Variants in PDCL observed in about 807,000 individuals in gnomAD.
PDCL encodes the protein phosducin-like protein.
PDCL carries 11 observed loss-of-function variants against 26.7 expected under a neutral mutation model. The observed-to-expected ratio is 0.41, with a 90% CI of 0.26 to 0.68. The LOEUF (loss-of-function observed/expected upper bound fraction) is 0.68. PDCL is among the 30% of genes least tolerant of loss of function. PDCL has a pLI of 0.30. For missense variants in PDCL, 330 were observed against 371.6 expected, an observed-to-expected ratio of 0.89 and a Z score of 0.92; for synonymous variants, 118 against 134.9, an observed-to-expected ratio of 0.87 and a Z score of 0.87.
Position 122,823,305 on chromosome 9 carries a change from C to T in PDCL, c.173-108G>A. 4.8e-6 allele frequency: 5 copies of T among 1,041,194 alleles called. No individual in the cohort carries two copies. In the South Asian group the frequency reaches 7.1e-5, roughly 15 times the overall value. The allele number at this position is 1,041,194 out of a possible 1,614,324, so 64.5% of individuals were successfully genotyped here. On this transcript the variant is annotated intron_variant, in intron 2 of 3. Coordinates refer to ENST00000259467, the MANE Select transcript of PDCL (RefSeq NM_005388.5). The stretch of plus-strand genomic sequence containing the variant: ...ATCTGCCTGAAGCTTGCTCCATCTA[C>T]TGCACAATTATCATAGGGACTCTGT...
chr9:122,819,843 C>A lies in PDCL; in HGVS notation c.*242G>T. 2.7e-6 allele frequency: 1 copy of A among 373,968 alleles called. No homozygotes were observed. The highest frequency in any genetic ancestry group is 4.8e-6 in the Non-Finnish European group (1 of 210,258). 23.2% of individuals were successfully genotyped at this position (373,968 alleles called of 1,614,324 possible). On this transcript the variant is annotated 3_prime_UTR_variant, in exon 4 of 4. Transcript: ENST00000259467. Reference sequence around the variant, plus strand: ...TGGAAACAATAACAGAGATGTCACACCACAGAATCTTAAGTAAACAGTTCA... The same window carrying A: ...TGGAAACAATAACAGAGATGTCACAACACAGAATCTTAAGTAAACAGTTCA...
At chr9:122,827,589 AGGTGTGGT>A (rs1829644914) in intron 1 of PDCL, among the ~76,000 whole-genome samples, 1 of 152,078 alleles carries the variant, frequency 6.6e-6, no homozygotes, top group Admixed American at 6.5e-5. Flanking sequence ...AAAATTAGCC[AGGTGTGGT>A]GGCGGGTGTC....
At chr9:122,820,822 TAAAAAAAA>T in intron 3 of PDCL, 186 bp from the exon 4 acceptor site, 2 of 306,038 alleles carry the variant, frequency 6.5e-6, no homozygotes, top group South Asian at 2.7e-5. Flanking sequence ...CATCTCTCCT[TAAAAAAAA>T]AAAAAAAAAA....
In PDCL at chr9:122,825,165, C is replaced by CT. The variant is rs779305224; in HGVS notation, c.172+1450dup. Among the ~76,000 whole-genome samples, 774 of 145,354 alleles carry CT rather than the reference C, an allele frequency of 5.3e-3. 7 individuals carry two copies. Among genetic ancestry groups the CT allele is most frequent in the African/African-American group, 0.015 (585 of 39,818 alleles). ...ATACTAATGAAAAGTATAGGAGAAT[C>CT]TTTTTTTTTTTTTGGAGACAGAGTC... On this transcript the variant is annotated intron_variant, in intron 2 of 3. Coordinates refer to ENST00000259467, the MANE Select transcript of PDCL (RefSeq NM_005388.5).
intron 1 of PDCL, among the ~76,000 whole-genome samples, chr9:122,827,531 T>C (rs547655233): frequency 3.0e-4 from 46 of 152,190 alleles, no homozygotes; most frequent in Non-Finnish European, 5.1e-4. Context: ...CTGGCTAACA[T>C]GGCGAAACTC....
rs1447794975 is a variant in PDCL at position 122,820,657 on chromosome 9, G to A, written c.355-21C>T. 3.8e-6 allele frequency: 6 copies of A among 1,579,074 alleles called. No individual in the cohort carries two copies. In the East Asian group the frequency reaches 6.7e-5, roughly 18 times the overall value. On this transcript the variant is annotated intron_variant, in intron 3 of 3. Transcript: ENST00000259467. ...GTCATCTGCAGGCGGACCAGCAAGT[G>A]AGCATAAATATGAAAACTGAACACT... is the stretch of plus-strand genomic sequence containing the variant.
chr9:122,827,506 G>C (rs1197142210), intron 1 of PDCL, among the ~76,000 whole-genome samples: 1 of 152,174 alleles, frequency 6.6e-6, no homozygotes, highest in Non-Finnish European at 1.5e-5. Context: ...TTGAGACCAG[G>C]TATTCGAGAC....
rs779680909 is a variant in PDCL, at chr9:122,819,384, C to T, written c.*701G>A. ...AAAAAGAGACAAAGACAAGCAGGGG[C>T]ATCTTACTGAAAGAACTTCCTTTAC... On this transcript the variant is annotated 3_prime_UTR_variant, in exon 4 of 4. Transcript: ENST00000259467. The T allele has an allele frequency of 4.6e-5, 7 of 152,102 alleles. No homozygotes were observed. Among genetic ancestry groups the T allele is most frequent in the Non-Finnish European group, 7.4e-5 (5 of 68,002 alleles). 9.4% of individuals were successfully genotyped at this position (152,102 alleles called of 1,614,324 possible).
chr9:122,821,933 G>A (rs74692791), intron 3 of PDCL, among the ~76,000 whole-genome samples: 1,775 of 152,056 alleles, frequency 0.012, 35 homozygotes, highest in African/African-American at 0.04. Flanking sequence ...AGAACACGTT[G>A]TTACTTTATC....
In PDCL at chr9:122,820,081, C is replaced by T. The variant is rs552489356; in HGVS notation, c.*4G>A. ...TGAGAAATCTATGCAACTAGACTAT[C>T]AGTTCAATCTATTTCCAGGTCGCTA... On this transcript the variant is annotated 3_prime_UTR_variant, in exon 4 of 4. Coordinates refer to ENST00000259467, the MANE Select transcript of PDCL (RefSeq NM_005388.5). 30 of 1,581,318 alleles carry T rather than the reference C, an allele frequency of 1.9e-5. No individual in the cohort carries two copies. The South Asian group carries it at 3.4e-4, about 18-fold the overall frequency.
Position 122,820,442 on chromosome 9 carries a change from G to A in PDCL, c.549C>T (p.Ile183=), listed in dbSNP as rs770587268. 6.2e-7 allele frequency: 1 copy of A among 1,614,096 alleles called. No individual in the cohort carries two copies. The highest frequency in any genetic ancestry group is 8.5e-7 in the Non-Finnish European group (1 of 1,180,004). ...TGCCATCCTCATAAATATGAACCAT[G>A]ATGACAATGCTTTTCTGTTCTTTAT... is the stretch of plus-strand genomic sequence containing the variant. ...MIDKEQKSIV[I]MVHIYEDGIP... is the part of the protein sequence containing the mutation. The change falls in exon 4 of 4, where the codon ATC becomes ATT. Residue 183 remains isoleucine (I), a synonymous_variant. Transcript: ENST00000259467.
In PDCL at chr9:122,823,157, C is replaced by G. The variant is rs1166394839; in HGVS notation, c.213G>C (p.Gln71His). ...GCTCCTCCCTCTGCTCTGTCTCCAA[C>G]TGCTTGAAGCGGCGCCAGTCATTGA... ...GVINDWRRFKQLETEQREEQC... is the reference protein window; with the variant it reads ...GVINDWRRFKHLETEQREEQC... Residue 71 changes from glutamine to histidine, a missense_variant, in exon 3 of 4, where the codon CAG becomes CAC. Transcript: ENST00000259467. 1 of 1,614,152 alleles carries G rather than the reference C, an allele frequency of 6.2e-7. No individual in the cohort carries two copies. The highest frequency in any genetic ancestry group is 8.5e-7 in the Non-Finnish European group (1 of 1,180,038).
chr9:122,820,683 C>T (rs1406246830), intron 3 of PDCL, 47 bp from the exon 4 acceptor site: 2 of 1,512,430 alleles, frequency 1.3e-6, no homozygotes, highest in East Asian at 2.3e-5. Context: ...ACTGAACACT[C>T]GTGATAACAG....
chr9:122,821,817 T>C (rs1829557079), intron 3 of PDCL, among the ~76,000 whole-genome samples: 1 of 152,032 alleles, frequency 6.6e-6, no homozygotes, highest in South Asian at 2.1e-4. Context: ...GAAAGCATCT[T>C]ACCCCTGCCC....
rs975357200 is a variant in PDCL at position 122,818,726 on chromosome 9, T to C, written c.*1359A>G. On this transcript the variant is annotated 3_prime_UTR_variant, in exon 4 of 4. Coordinates refer to ENST00000259467, the MANE Select transcript of PDCL (RefSeq NM_005388.5). ...ATTTCCCCTGACCCTAGAATATACA[T>C]TTTTAAAGTTAAAAAAAGGAAAAAA... 1 of 151,950 alleles carries C rather than the reference T, an allele frequency of 6.6e-6. No individual in the cohort carries two copies. The highest frequency in any genetic ancestry group is 1.5e-5 in the Non-Finnish European group (1 of 67,990). 9.4% of individuals were successfully genotyped at this position (151,950 alleles called of 1,614,324 possible). A position where few individuals can be genotyped will look rare whatever the true frequency, so the allele number is the denominator to read the frequency against.
intron 3 of PDCL, 179 bp from the exon 4 acceptor site, chr9:122,820,815 C>A: frequency 1.4e-5 from 7 of 485,206 alleles, no homozygotes; most frequent in Admixed American, 3.2e-5. Context: ...AAAGCCTCAT[C>A]TCTCCTTAAA....
rs750348131 is a variant in PDCL at position 122,823,082 on chromosome 9, C to A, written c.288G>T (p.Arg96Ser). Residue 96 changes from arginine to serine, a missense_variant, in exon 3 of 4, where the codon AGG (arginine) becomes AGT (serine). Coordinates refer to ENST00000259467, the MANE Select transcript of PDCL (RefSeq NM_005388.5). Reference sequence around the variant, plus strand: ...GCTCCTCCTCTTCATCCAGATGGGACCTGCAAGTCATTGACAGCTTCTTGA... The same window carrying A: ...GCTCCTCCTCTTCATCCAGATGGGAACTGCAAGTCATTGACAGCTTCTTGA... ...RLIKKLSMTC[R>S]SHLDEEEEQQ... is the part of the protein sequence containing the mutation. 3.1e-6 allele frequency: 5 copies of A among 1,614,052 alleles called. No homozygotes were observed. The South Asian group carries it at 3.3e-5, about 11-fold the overall frequency.
rs947439850 is a variant in PDCL at position 122,819,036 on chromosome 9, A to G, written c.*1049T>C. ...TGTAGAATATTTAATAATATAAAAA[A>G]AGGTCTGATATATTATTAGCTGACC... On this transcript the variant is annotated 3_prime_UTR_variant, in exon 4 of 4. Transcript: ENST00000259467. 6.6e-6 allele frequency: 1 copy of G among 152,216 alleles called. No individual in the cohort carries two copies. Among genetic ancestry groups the G allele is most frequent in the Non-Finnish European group, 1.5e-5 (1 of 67,986 alleles). 9.4% of individuals were successfully genotyped at this position (152,216 alleles called of 1,614,324 possible).
In PDCL at chr9:122,819,914, A is replaced by C; in HGVS notation, c.*171T>G. 3.7e-6 allele frequency: 2 copies of C among 538,360 alleles called. No homozygotes were observed. The highest frequency in any genetic ancestry group is 6.4e-6 in the Non-Finnish European group (2 of 314,482). 33.3% of individuals were successfully genotyped at this position (538,360 alleles called of 1,614,324 possible). A position where few individuals can be genotyped will look rare whatever the true frequency, so the allele number is the denominator to read the frequency against. On this transcript the variant is annotated 3_prime_UTR_variant, in exon 4 of 4. Transcript: ENST00000259467. ...TACAACTGTAAGTCACCTTATTGCT[A>C]GCTACAAGGTTATTCAGCATTCTGA...
Sources: gnomAD v4.1 joint callset for allele counts (sites outside exome capture counted in the v4.1 genomes callset) on GRCh38, gnomAD v4.1.1 for gene constraint, MANE v1.5 for transcripts, NCBI Gene and HGNC (gene_info 2026-07-23, HGNC 2026-07-21) for gene names.